Variants in COL4A6 observed in about 807,000 individuals in gnomAD.
The protein encoded by COL4A6 is collagen type IV alpha 6 chain.
COL4A6 carries 59 observed loss-of-function variants against 126.7 expected under a neutral mutation model. The ratio of observed to expected loss-of-function variants is 0.47; its 90% CI spans 0.38 to 0.58. COL4A6 has a LOEUF of 0.58. Among genes scored for constraint, COL4A6 ranks in the 20% least tolerant of loss-of-function variants. The pLI, the probability that COL4A6 is intolerant of heterozygous loss-of-function variation, is 0.00. For missense variants in COL4A6, 1,285 were observed against 1,337.3 expected (o/e 0.96, Z 0.61); for synonymous variants, 547 against 496.6 (o/e 1.10, Z -1.35).
intron 3 of COL4A6, among the ~76,000 whole-genome samples, chrX:108,272,468 G>A (rs1346198671): frequency 4.5e-5 from 5 of 110,998 alleles, no homozygotes; most frequent in African/African-American, 1.6e-4. Context: ...AATGTTCCTT[G>A]AGACCTCCTC....
At chrX:108,275,221 A>C (rs1332118) in intron 3 of COL4A6, among the ~76,000 whole-genome samples, 25,261 of 110,787 alleles carry the variant, frequency 0.23, 2,592 homozygotes, top group East Asian at 0.57. Context: ...AAGGTAAATA[A>C]GGAAGAAAGG....
At chrX:108,292,090 G>T (rs1414156918) in intron 3 of COL4A6, among the ~76,000 whole-genome samples, 1 of 111,958 alleles carries the variant, frequency 8.9e-6, no homozygotes, top group African/African-American at 3.2e-5. Flanking sequence ...ATCACAAACT[G>T]TTGGTCATAT....
chrX:108,204,335 C>T lies in COL4A6; in HGVS notation c.765G>A (p.Gly255=), dbSNP rs142194053. ...TGTTCACTACCTTGGATCCTTTCTT[C>T]CCTTTGGGGAATCCCATGAATTCCA... ...GELEFMGFPK[G]KKGSKGEPGP... The change falls in exon 12 of 45, where the codon GGG becomes GGA. Residue 255 remains glycine (G), a synonymous_variant. Transcript: ENST00000334504. The T allele has an allele frequency of 6.8e-5, 81 of 1,192,533 alleles. No individual in the cohort carries two copies. In the African/African-American group the frequency reaches 1.2e-3, roughly 18 times the overall value.
At chrX:108,437,885 G>A in intron 2 of COL4A6, 57 bp downstream of exon 2, 1 of 1,166,725 alleles carries the variant, frequency 8.6e-7, no homozygotes, top group Non-Finnish European at 1.2e-6. Context: ...ACTAGAGATG[G>A]GGATGGTTAG....
intron 8 of COL4A6, among the ~76,000 whole-genome samples, chrX:108,208,769 A>C (rs1190422803): frequency 9.0e-6 from 1 of 111,626 alleles, no homozygotes; most frequent in Non-Finnish European, 1.9e-5. Context: ...AGGGTAAGAA[A>C]GGTTGGAACT....
intron 3 of COL4A6, among the ~76,000 whole-genome samples, chrX:108,288,691 C>T (rs1466250148): frequency 9.1e-6 from 1 of 110,278 alleles, no homozygotes; most frequent in Non-Finnish European, 1.9e-5. Flanking sequence ...CCTTTTCAAC[C>T]CATGGTTCTG....
chrX:108,414,644 A>C (rs1276309291), intron 2 of COL4A6, among the ~76,000 whole-genome samples: 34 of 106,152 alleles, frequency 3.2e-4, no homozygotes, highest in African/African-American at 8.2e-4. Flanking sequence ...AAAGAAGAAG[A>C]AGCTGAGCAT....
At chrX:108,317,307 T>G (rs943767139) in intron 2 of COL4A6, among the ~76,000 whole-genome samples, 3 of 111,994 alleles carry the variant, frequency 2.7e-5, no homozygotes, top group Non-Finnish European at 5.6e-5. Flanking sequence ...AGAAAACTGT[T>G]GGAGAAGCTT....
chrX:108,421,672 G>C (rs1298481138), intron 2 of COL4A6, among the ~76,000 whole-genome samples: 1 of 111,841 alleles, frequency 8.9e-6, no homozygotes, highest in African/African-American at 3.3e-5. Flanking sequence ...TAAAGCTATG[G>C]ACCTTTTCCC....
Position 108,178,799 on chromosome X carries a change from G to A in COL4A6, c.2400C>T (p.Gly800=). The change falls in exon 27 of 45, where the codon GGC becomes GGT. Residue 800 remains glycine, a synonymous_variant. Coordinates refer to ENST00000334504, the MANE Select transcript of COL4A6 (RefSeq NM_033641.4). ...PGLLGPKGER[G]SPGTPGQVGQ... is the part of the protein sequence containing the mutation. ...CCACCTGTCCTGGTGTCCCAGGGCT[G>A]CCCCGCTCACCTTTGGGGCCTAGTA... 2.5e-6 allele frequency: 3 copies of A among 1,211,446 alleles called. No homozygotes were observed. In the South Asian group the frequency reaches 5.3e-5, roughly 21 times the overall value.
In COL4A6 at chrX:108,438,204, G is replaced by A; in HGVS notation, c.-8C>T. 8.4e-7 allele frequency: 1 copy of A among 1,191,082 alleles called. No individual in the cohort carries two copies. Among genetic ancestry groups the A allele is most frequent in the Non-Finnish European group, 1.1e-6 (1 of 886,940 alleles). ...AGCTCACCCAGGGTGCATGCTTGCG[G>A]CTCCTCCGGAGCTGGGTCCCGGGAG... On this transcript the variant is annotated 5_prime_UTR_variant, in exon 1 of 45. Transcript: ENST00000334504.
At chrX:108,193,042 C>T (rs1011501225) in intron 17 of COL4A6, among the ~76,000 whole-genome samples, 4 of 111,981 alleles carry the variant, frequency 3.6e-5, no homozygotes, top group African/African-American at 1.3e-4. Context: ...AGAGTCACTA[C>T]AGTAGAAGCC....
At chrX:108,434,365 C>T (rs2064226189) in intron 2 of COL4A6, among the ~76,000 whole-genome samples, 1 of 110,005 alleles carries the variant, frequency 9.1e-6, no homozygotes, top group African/African-American at 3.3e-5. Flanking sequence ...TTCACAGGCA[C>T]GATGATGGTG....
chrX:108,201,771 C>A (rs1237311912), intron 13 of COL4A6, among the ~76,000 whole-genome samples: 1 of 111,608 alleles, frequency 9.0e-6, no homozygotes, highest in Non-Finnish European at 1.9e-5. Flanking sequence ...TCACCACCAC[C>A]ATCTCTTGCC....
chrX:108,191,365 A>C (rs758556660), intron 19 of COL4A6, 28 bp downstream of exon 19: 1 of 1,202,251 alleles, frequency 8.3e-7, no homozygotes, highest in Non-Finnish European at 1.1e-6. Context: ...CTGAATCTTG[A>C]GACCAAAAAG....
intron 3 of COL4A6, among the ~76,000 whole-genome samples, chrX:108,223,024 A>C (rs185185534): frequency 8.9e-6 from 1 of 112,315 alleles, no homozygotes; most frequent in Admixed American, 9.4e-5. Context: ...AATGTGGCAC[A>C]TATACACCAT....
At chrX:108,245,156 G>C (rs1211799750) in intron 3 of COL4A6, among the ~76,000 whole-genome samples, 1 of 112,191 alleles carries the variant, frequency 8.9e-6, no homozygotes, top group South Asian at 3.7e-4. Context: ...TTAACAGAAG[G>C]GTGCGTGCAT....
chrX:108,420,630 A>C (rs182807286), intron 2 of COL4A6, among the ~76,000 whole-genome samples: 1 of 112,029 alleles, frequency 8.9e-6, no homozygotes, highest in Non-Finnish European at 1.9e-5. Context: ...TATGAATATG[A>C]ACAAAAGTAT....
chrX:108,439,028 A>T (rs977613931), upstream of COL4A6, among the ~76,000 whole-genome samples: 1 of 112,617 alleles, frequency 8.9e-6, no homozygotes, highest in Non-Finnish European at 1.9e-5. Flanking sequence ...TCAAGTCTTT[A>T]TATGGGAGAT....
Sources: allele counts gnomAD v4.1 joint callset (sites outside exome capture counted in the v4.1 genomes callset), GRCh38; gene constraint gnomAD v4.1.1; transcripts MANE v1.5; gene names NCBI Gene and HGNC (gene_info 2026-07-23, HGNC 2026-07-21).